Variants in PRRT3 observed in about 807,000 individuals in gnomAD.
The protein encoded by PRRT3 is proline rich transmembrane protein 3.
A neutral mutation model predicts 56.6 loss-of-function variants in PRRT3; 48 were observed. That is an observed-to-expected ratio of 0.85 (90% confidence interval 0.67 to 1.08). PRRT3 has a LOEUF of 1.08. Ranked by LOEUF, PRRT3 falls within the 50% of genes least tolerant of loss-of-function variation. The probability of loss-of-function intolerance (pLI) is 0.00; values close to 1 mark genes in which losing one functional copy is unlikely to be tolerated. For missense variants in PRRT3, 1,370 were observed against 1,353.1 expected (o/e 1.01, Z -0.20); for synonymous variants, 641 against 619.1 (o/e 1.04, Z -0.52).
At position 9,947,244 on chromosome 3, in the gene PRRT3, C is replaced by T. The variant is rs1203488967; in HGVS notation, c.1929G>A (p.Ala643=). 2 of 1,500,632 alleles carry T rather than the reference C, an allele frequency of 1.3e-6. No homozygotes were observed. Among genetic ancestry groups the T allele is most frequent in the African/African-American group, 1.4e-5 (1 of 69,616 alleles). The allele number at this position is 1,500,632 out of a possible 1,614,324, so 93.0% of individuals were successfully genotyped here. ...ASPGPRLLAV[A]GALGLLASGL... is the part of the protein sequence containing the mutation. ...CGCTAGCCAGCAGCCCCAGCGCGCC[C>T]GCCACAGCCAACAGCCGAGGGCCCG... is the stretch of plus-strand genomic sequence containing the variant. Residue 643 remains alanine (A), a synonymous_variant, in exon 4 of 4, where the codon GCG becomes GCA. Coordinates refer to ENST00000412055, the MANE Select transcript of PRRT3 (RefSeq NM_207351.5). This position sits in a 1 kb window ranked among gnomAD's most constrained non-coding sequence, Gnocchi z 9.2.
At position 9,946,749 on chromosome 3, in the gene PRRT3, C is replaced by T; in HGVS notation, c.2424G>A (p.Ser808=). The T allele has an allele frequency of 6.5e-7, 1 of 1,529,430 alleles. No homozygotes were observed. The highest frequency in any genetic ancestry group is 2.0e-5 in the Admixed American group (1 of 50,620). The allele number at this position is 1,529,430 out of a possible 1,614,324, so 94.7% of individuals were successfully genotyped here. ...CGATGCTGCGGCTCAGGTTGATGGGCGATGGCGGCCGCAGATCCAGCTCGC... is the reference window on the plus strand; with the variant it reads ...CGATGCTGCGGCTCAGGTTGATGGGTGATGGCGGCCGCAGATCCAGCTCGC... ...SLSELDLRPP[S]PINLSRSIDA... is the part of the protein sequence containing the mutation. The change falls in exon 4 of 4, where the codon TCG becomes TCA. Residue 808 remains serine, a synonymous_variant. Transcript: ENST00000412055. The surrounding 1 kb of genome is among the most constrained non-coding windows in gnomAD (Gnocchi z 4.1).
In PRRT3 at chr3:9,946,411, T is replaced by G; in HGVS notation, c.2762A>C (p.His921Pro). 1 of 1,605,822 alleles carries G rather than the reference T, an allele frequency of 6.2e-7. No homozygotes were observed. Among genetic ancestry groups the G allele is most frequent in the Non-Finnish European group, 8.5e-7 (1 of 1,175,500 alleles). ...CAGACTGTCCACTGATGACAGCCCGTGGCGCCAGGGGTTCCAACTGATCTT... is the reference window on the plus strand; with the variant it reads ...CAGACTGTCCACTGATGACAGCCCGGGGCGCCAGGGGTTCCAACTGATCTT... ...SLKISWNPWR[H>P]GLSSVDSLPL... Residue 921 changes from histidine to proline, a missense_variant, in exon 4 of 4, where the codon CAC becomes CCC. Transcript: ENST00000412055. This position sits in a 1 kb window ranked among gnomAD's most constrained non-coding sequence, Gnocchi z 4.1.
rs151064606 is a variant in PRRT3 at position 9,949,685 on chromosome 3, G to C, written c.431C>G (p.Pro144Arg). ...QELLQQEAVAPHPVGHPHLTF... is the reference protein window; with the variant it reads ...QELLQQEAVARHPVGHPHLTF... ...GAGATGAGGGTGGCCCACTGGGTGG[G>C]GAGCCACTGCTTCTTGCTGCAGAAG... The change falls in exon 2 of 4, where the codon CCC (proline) becomes CGC (arginine). Residue 144 changes from proline (P) to arginine (R), a missense_variant. Physicochemically the swap from Pro to Arg is moderately radical, Grantham distance 103. Coordinates refer to ENST00000412055, the MANE Select transcript of PRRT3 (RefSeq NM_207351.5). The surrounding 1 kb of genome is among the most constrained non-coding windows in gnomAD (Gnocchi z 4.5). 4,100 of 1,614,152 alleles carry C rather than the reference G, an allele frequency of 2.5e-3. 61 individuals are homozygous for C. Among genetic ancestry groups the C allele is most frequent in the South Asian group, 0.021 (1,923 of 91,086 alleles).
chr3:9,951,444 G>A (rs560129586), intron 1 of PRRT3, among the ~76,000 whole-genome samples: 2 of 152,196 alleles, frequency 1.3e-5, no homozygotes, highest in African/African-American at 4.8e-5. Context: ...CAGGCTCACC[G>A]AAAGTTGTGA....
rs1354477009 is a variant in PRRT3 at position 9,947,656 on chromosome 3, G to A, written c.1517C>T (p.Ala506Val). ...CGAAGCCACGAGCACCAGCACCGCG[G>A]CCACCAATGCCAGCCGGGGCCCTGC... ...APAGPRLALV[A>V]AVLVLVASAL... Residue 506 changes from alanine to valine, a missense_variant, in exon 4 of 4, where the codon GCC (alanine) becomes GTC (valine). Coordinates refer to ENST00000412055, the MANE Select transcript of PRRT3 (RefSeq NM_207351.5). The surrounding 1 kb of genome is among the most constrained non-coding windows in gnomAD (Gnocchi z 9.2). 1.9e-6 allele frequency: 3 copies of A among 1,568,292 alleles called. No individual in the cohort carries two copies. Among genetic ancestry groups the A allele is most frequent in the Non-Finnish European group, 2.6e-6 (3 of 1,159,134 alleles).
rs771665818 is a variant in PRRT3 at position 9,946,655 on chromosome 3, C to A, written c.2518G>T (p.Ala840Ser). 1 of 1,400,228 alleles carries A rather than the reference C, an allele frequency of 7.1e-7. No individual in the cohort carries two copies. 86.7% of individuals were successfully genotyped at this position (1,400,228 alleles called of 1,614,324 possible). Residue 840 changes from alanine (A) to serine (S), a missense_variant, in exon 4 of 4, where the codon GCC becomes TCC. Physicochemically the swap from Ala to Ser is moderately conservative, Grantham distance 99 (BLOSUM62 1). Coordinates refer to ENST00000412055, the MANE Select transcript of PRRT3 (RefSeq NM_207351.5). This position sits in a 1 kb window ranked among gnomAD's most constrained non-coding sequence, Gnocchi z 4.1. ...AGAGCGCCTCCAGGCGGCGGGGAGG[C>A]CAGGCCGCGGAGGCCGCAGCGCTGG... is the stretch of plus-strand genomic sequence containing the variant. ...VFQRCGLRGL[A>S]SPPPGGALRP... is the part of the protein sequence containing the mutation.
chr3:9,948,874 TG>T lies in PRRT3; in HGVS notation c.1054del (p.Gln352SerfsTer3). ...AMNGADPISP[Q>X]RVRGAVEAPG... is the part of the protein sequence containing the mutation. ...GGCCTCCACAGCTCCTCTCACCCGC[TG>T]GGGGGAGATGGGGTCTGCTCCATTC... On this transcript the variant is annotated frameshift_variant, in exon 3 of 4. Transcript: ENST00000412055. LOFTEE classifies it high-confidence loss of function. 1 of 1,604,620 alleles carries T rather than the reference TG, an allele frequency of 6.2e-7. No homozygotes were observed.
rs745470784 is a variant in PRRT3 at position 9,946,686 on chromosome 3, ACT to A, written c.2485_2486del (p.Ser829CysfsTer104). 6.3e-6 allele frequency: 9 copies of A among 1,439,892 alleles called. No homozygotes were observed. Among genetic ancestry groups the A allele is most frequent in the Admixed American group, 2.8e-5 (1 of 35,726 alleles). The allele number at this position is 1,439,892 out of a possible 1,614,324, so 89.2% of individuals were successfully genotyped here. On this transcript the variant is annotated frameshift_variant, in exon 4 of 4. Transcript: ENST00000412055. LOFTEE classifies it low-confidence loss of function (END_TRUNC). The surrounding 1 kb of genome is among the most constrained non-coding windows in gnomAD (Gnocchi z 4.1). Reference protein sequence around the residue: ...ALFREHLVRDSVFQRCGLRGL... With the variant: ...ALFREHLVRDXVFQRCGLRGL... ...CGCGGAGGCCGCAGCGCTGGAACAC[ACT>A]GTCTCGCACTAGGTGCTCGCGGAAG...
In PRRT3 at chr3:9,946,317, G is replaced by C; in HGVS notation, c.2856C>G (p.Ala952=). 1.2e-6 allele frequency: 2 copies of C among 1,612,640 alleles called. No individual in the cohort carries two copies. Among genetic ancestry groups the C allele is most frequent in the South Asian group, 2.2e-5 (2 of 90,940 alleles). ...PAPTPAPDST[A]ARQGDGQGEV... ...CTCCCTGGCCGTCCCCCTGCCGAGC[G>C]GCGGTAGAATCAGGGGCTGGGGTCG... The change falls in exon 4 of 4, where the codon GCC becomes GCG. Residue 952 remains alanine, a synonymous_variant. Transcript: ENST00000412055. This position sits in a 1 kb window ranked among gnomAD's most constrained non-coding sequence, Gnocchi z 4.1.
Position 9,946,816 on chromosome 3 carries a change from G to A in PRRT3, c.2357C>T (p.Pro786Leu), listed in dbSNP as rs766768274. 1.7e-5 allele frequency: 27 copies of A among 1,543,988 alleles called. No individual in the cohort carries two copies. Among genetic ancestry groups the A allele is most frequent in the Non-Finnish European group, 2.2e-5 (25 of 1,151,626 alleles). Residue 786 changes from proline (P) to leucine (L), a missense_variant, in exon 4 of 4, where the codon CCG (proline) becomes CTG (leucine). Physicochemically the swap from Pro to Leu is moderately conservative, Grantham distance 98. Transcript: ENST00000412055. The surrounding 1 kb of genome is among the most constrained non-coding windows in gnomAD (Gnocchi z 4.1). The stretch of plus-strand genomic sequence containing the variant: ...TCCCACACCGTTGCGGGACAGTCCC[G>A]GGCCACCCTGGGGTCCGCGACCCAA... Reference protein sequence around the residue: ...ASLGRGPQGGPGLSRNGVGPA... With the variant: ...ASLGRGPQGGLGLSRNGVGPA...
In PRRT3 at chr3:9,950,572, G is replaced by A. The variant is rs192862784; in HGVS notation, c.-57-400C>T. Among the ~76,000 whole-genome samples, 417 of 152,254 alleles carry A rather than the reference G, an allele frequency of 2.7e-3. 3 individuals are homozygous for A. The highest frequency in any genetic ancestry group is 9.8e-3 in the African/African-American group (407 of 41,534). ...GGCTGGAGTGCAGTGGCGTGATCTC[G>A]GCTCACTGCAACCTCCACCTCCCAG... On this transcript the variant is annotated intron_variant, in intron 1 of 3. Transcript: ENST00000412055.
Position 9,952,376 on chromosome 3 carries a change from G to C in PRRT3, c.-112C>G, listed in dbSNP as rs2085633705. ...GCGCGCGTCCCTGCAGCCGATCGCC[G>C]CGCCGCATCCTCCGAGATGCTCAGA... is the stretch of plus-strand genomic sequence containing the variant. On this transcript the variant is annotated 5_prime_UTR_variant, in exon 1 of 4. Coordinates refer to ENST00000412055, the MANE Select transcript of PRRT3 (RefSeq NM_207351.5). 1 of 152,254 alleles carries C rather than the reference G, an allele frequency of 6.6e-6. No homozygotes were observed. Among genetic ancestry groups the C allele is most frequent in the African/African-American group, 2.4e-5 (1 of 41,460 alleles). 9.4% of individuals were successfully genotyped at this position (152,254 alleles called of 1,614,324 possible).
intron 3 of PRRT3, 62 bp from the exon 4 acceptor site, chr3:9,948,063 C>G: frequency 1.6e-6 from 2 of 1,273,184 alleles, no homozygotes; most frequent in Non-Finnish European, 2.0e-6. Context: ...GTATCACCCT[C>G]TAGTGTGGTT....
In PRRT3 at chr3:9,949,094, T is replaced by C; in HGVS notation, c.1015+7A>G. 1 of 1,591,102 alleles carries C rather than the reference T, an allele frequency of 6.3e-7. No individual in the cohort carries two copies. The highest frequency in any genetic ancestry group is 8.5e-7 in the Non-Finnish European group (1 of 1,172,146). On this transcript the variant is annotated splice_region_variant and intron_variant, in intron 2 of 3. Transcript: ENST00000412055. The surrounding 1 kb of genome is among the most constrained non-coding windows in gnomAD (Gnocchi z 4.5). ...GAACATCGCTCAGCACACTCATTGA[T>C]ACCCACCTGGCTTAGACGGCCGATC...
At position 9,946,785 on chromosome 3, in the gene PRRT3, C is replaced by T; in HGVS notation, c.2388G>A (p.Ala796=). 1 of 1,547,184 alleles carries T rather than the reference C, an allele frequency of 6.5e-7. No individual in the cohort carries two copies. The highest frequency in any genetic ancestry group is 8.7e-7 in the Non-Finnish European group (1 of 1,154,454). ...GCAGATCCAGCTCGCTCAGCGATGG[C>T]GCCGGTCCCACACCGTTGCGGGACA... is the stretch of plus-strand genomic sequence containing the variant. ...PGLSRNGVGP[A]PSLSELDLRP... The change falls in exon 4 of 4, where the codon GCG becomes GCA. Residue 796 remains alanine (A), a synonymous_variant. Transcript: ENST00000412055. The surrounding 1 kb of genome is among the most constrained non-coding windows in gnomAD (Gnocchi z 4.1).
intron 1 of PRRT3, among the ~76,000 whole-genome samples, chr3:9,951,086 C>G (rs905510076): frequency 1.3e-5 from 2 of 152,320 alleles, no homozygotes; most frequent in South Asian, 2.1e-4. Flanking sequence ...CTTCCCTCAT[C>G]TTCCTGGGCA....
In PRRT3 at chr3:9,946,297, T is replaced by G. The variant is rs1345760198; in HGVS notation, c.2876A>C (p.Gln959Pro). ...DSTAARQGDG[Q>P]GEVQPRGKPG... ...CTTGCCGCGCGGCTGGACCTCTCCC[T>G]GGCCGTCCCCCTGCCGAGCGGCGGT... The change falls in exon 4 of 4, where the codon CAG becomes CCG. Residue 959 changes from glutamine to proline, a missense_variant. Coordinates refer to ENST00000412055, the MANE Select transcript of PRRT3 (RefSeq NM_207351.5). This position sits in a 1 kb window ranked among gnomAD's most constrained non-coding sequence, Gnocchi z 4.1. 4 of 1,612,554 alleles carry G rather than the reference T, an allele frequency of 2.5e-6. No individual in the cohort carries two copies. In the African/African-American group the frequency reaches 5.3e-5, roughly 22 times the overall value.
Position 9,949,569 on chromosome 3 carries a change from G to A in PRRT3, c.547C>T (p.Pro183Ser). ...QHEGQEGQWP[P>S]RDEGLKAKTK... ...TTGGCCTTCAGACCCTCATCTCTAG[G>A]TGGCCACTGTCCCTCTTGGCCTTCA... is the stretch of plus-strand genomic sequence containing the variant. Residue 183 changes from proline to serine, a missense_variant, in exon 2 of 4, where the codon CCT becomes TCT. Physicochemically the swap from Pro to Ser is moderately conservative, Grantham distance 74. Coordinates refer to ENST00000412055, the MANE Select transcript of PRRT3 (RefSeq NM_207351.5). This position sits in a 1 kb window ranked among gnomAD's most constrained non-coding sequence, Gnocchi z 4.5. The A allele has an allele frequency of 3.1e-6, 5 of 1,614,104 alleles. No homozygotes were observed. Among genetic ancestry groups the A allele is most frequent in the Non-Finnish European group, 4.2e-6 (5 of 1,180,034 alleles).
chr3:9,950,763 A>C (rs2085609462), intron 1 of PRRT3, among the ~76,000 whole-genome samples: 1 of 152,182 alleles, frequency 6.6e-6, no homozygotes, highest in Admixed American at 6.5e-5. Flanking sequence ...TTGGCCTCCT[A>C]AAGTGCTGGG....
Sources: gnomAD v4.1 joint callset for allele counts (sites outside exome capture counted in the v4.1 genomes callset) on GRCh38, gnomAD v4.1.1 for gene constraint, Gnocchi (gnomAD v3.1) non-coding constraint, MANE v1.5 for transcripts, NCBI Gene and HGNC (gene_info 2026-07-23, HGNC 2026-07-21) for gene names.